The following GREB1L variants were observed in gnomAD, a reference collection of about 807,000 sequenced individuals.
GREB1L encodes GREB1 like retinoic acid receptor coactivator.
In GREB1L, 17 loss-of-function variants were observed where a neutral mutation model predicts 200.8. That is an observed-to-expected ratio of 0.08 (90% confidence interval 0.06 to 0.13). GREB1L has a LOEUF of 0.13. Ranked by LOEUF, GREB1L falls within the 10% of genes least tolerant of loss-of-function variation. The pLI is 1.00. For synonymous variants in GREB1L, 789 were observed against 893.0 expected (o/e 0.88, Z 2.08); for missense variants, 1,657 against 2,367.7 (o/e 0.70, Z 6.23).
intron 1 of GREB1L, among the ~76,000 whole-genome samples, chr18:21,290,779 G>A (rs537503069): frequency 6.7e-6 from 1 of 149,228 alleles, no homozygotes; most frequent in South Asian, 2.1e-4. Flanking sequence ...GAGCCGAGGT[G>A]GAGCCACTGC....
At chr18:21,265,137 G>A (rs1235066390) in intron 1 of GREB1L, among the ~76,000 whole-genome samples, 1 of 152,142 alleles carries the variant, frequency 6.6e-6, no homozygotes, top group African/African-American at 2.4e-5. Flanking sequence ...GAAATAAAAT[G>A]TCTGAATCAA....
intron 11 of GREB1L, among the ~76,000 whole-genome samples, chr18:21,446,661 A>C (rs1009804295): frequency 3.9e-5 from 6 of 152,028 alleles, no homozygotes; most frequent in East Asian, 1.9e-4. Context: ...TTTATTATTT[A>C]TTTATTTCTT....
At chr18:21,436,669 G>GGGGTGT (rs1447242837) in intron 7 of GREB1L, among the ~76,000 whole-genome samples, 7 of 132,534 alleles carry the variant, frequency 5.3e-5, no homozygotes, top group African/African-American at 1.7e-4. Flanking sequence ...AAAGTTCAGT[G>GGGGTGT]GTGTGTGTGT....
chr18:21,424,803 A>G (rs1222716967), intron 7 of GREB1L, among the ~76,000 whole-genome samples: 1 of 152,200 alleles, frequency 6.6e-6, no homozygotes, highest in African/African-American at 2.4e-5. Flanking sequence ...ATATCCATTA[A>G]TAGTCATTCC....
At chr18:21,362,125 A>T (rs1398294188) in intron 1 of GREB1L, among the ~76,000 whole-genome samples, 1 of 151,866 alleles carries the variant, frequency 6.6e-6, no homozygotes, top group Non-Finnish European at 1.5e-5. Context: ...TATGTATTCT[A>T]CTTTGCCAGC....
intron 1 of GREB1L, among the ~76,000 whole-genome samples, chr18:21,356,965 T>A (rs2039513625): frequency 6.6e-6 from 1 of 152,250 alleles, no homozygotes. Context: ...GCGATTTGTA[T>A]GTCTTTTTTT....
chr18:21,306,042 T>C (rs1173987708), intron 1 of GREB1L, among the ~76,000 whole-genome samples: 15 of 152,316 alleles, frequency 9.8e-5, no homozygotes, highest in Non-Finnish European at 2.2e-4. Context: ...CCTTATTTTA[T>C]TGTATTCCTA....
intron 27 of GREB1L, among the ~76,000 whole-genome samples, chr18:21,511,038 T>C (rs901952967): frequency 3.3e-5 from 5 of 152,244 alleles, no homozygotes; most frequent in Admixed American, 1.3e-4. Flanking sequence ...TTTTAAAAAA[T>C]ATATTCTGGG....
At chr18:21,385,930 A>T (rs1008505933) in intron 4 of GREB1L, among the ~76,000 whole-genome samples, 5 of 152,192 alleles carry the variant, frequency 3.3e-5, no homozygotes, top group African/African-American at 1.2e-4. Context: ...AGGGTATCTG[A>T]CACTGGTGTT....
intron 6 of GREB1L, among the ~76,000 whole-genome samples, chr18:21,403,166 A>G (rs548991163): frequency 1.3e-5 from 2 of 152,256 alleles, no homozygotes; most frequent in East Asian, 3.9e-4. Context: ...CGAATAGGGT[A>G]AAATTTGGTT....
chr18:21,496,402 A>G, intron 20 of GREB1L, 52 bp from the exon 21 acceptor site: 3 of 1,538,304 alleles, frequency 2.0e-6, no homozygotes, highest in Non-Finnish European at 2.6e-6. Flanking sequence ...ACACATACAC[A>G]CTGCGTGCCT....
At chr18:21,467,387 A>G (rs1292738298) in intron 15 of GREB1L, among the ~76,000 whole-genome samples, 3 of 152,226 alleles carry the variant, frequency 2.0e-5, no homozygotes, top group African/African-American at 7.2e-5. Flanking sequence ...ACCTGTTACA[A>G]CTCAATAATA....
At chr18:21,402,283 C>G (rs2041347348) in intron 6 of GREB1L, among the ~76,000 whole-genome samples, 1 of 152,034 alleles carries the variant, frequency 6.6e-6, no homozygotes. Context: ...TATCACCTCC[C>G]TCCCTTTTAA....
intron 3 of GREB1L, among the ~76,000 whole-genome samples, 159 bp from the exon 4 acceptor site, chr18:21,384,047 T>C (rs559310851): frequency 2.0e-5 from 3 of 152,310 alleles, no homozygotes; most frequent in African/African-American, 7.2e-5. Flanking sequence ...GGGATTCTTG[T>C]TTTAGAAGTG....
At chr18:21,500,482 T>C in intron 22 of GREB1L, 58 bp from the exon 23 acceptor site, 1 of 1,288,358 alleles carries the variant, frequency 7.8e-7, no homozygotes, top group Non-Finnish European at 1.1e-6. Context: ...CTCTTTTCTC[T>C]TTTCTTCCCC....
At chr18:21,348,323 G>A (rs2039383237) in intron 1 of GREB1L, among the ~76,000 whole-genome samples, 1 of 151,846 alleles carries the variant, frequency 6.6e-6, no homozygotes, top group Non-Finnish European at 1.5e-5. Context: ...TCCCACCTAG[G>A]CAGTCACCAG....
chr18:21,307,542 A>T (rs1046892285), intron 1 of GREB1L, among the ~76,000 whole-genome samples: 2 of 152,166 alleles, frequency 1.3e-5, no homozygotes, highest in African/African-American at 4.8e-5. Flanking sequence ...ATTGATCGTG[A>T]ATTGGCACCT....
At chr18:21,261,245 A>G (rs575617329) in intron 1 of GREB1L, among the ~76,000 whole-genome samples, 12 of 152,154 alleles carry the variant, frequency 7.9e-5, no homozygotes, top group African/African-American at 2.4e-4. Flanking sequence ...ATTTAGTCTT[A>G]CACTTAGTCT....
intron 7 of GREB1L, among the ~76,000 whole-genome samples, chr18:21,432,626 C>T (rs1330115288): frequency 2.2e-5 from 3 of 136,554 alleles, no homozygotes; most frequent in African/African-American, 8.3e-5. Context: ...GGTATGTCTT[C>T]GTATTTGTTC....
Sources: allele counts gnomAD v4.1 joint callset (sites outside exome capture counted in the v4.1 genomes callset), GRCh38; gene constraint gnomAD v4.1.1; transcripts MANE v1.5; gene names NCBI Gene and HGNC (gene_info 2026-07-23, HGNC 2026-07-21).